Variants in PPP1R12A observed in about 807,000 individuals in gnomAD.
PPP1R12A encodes myosin binding subunit.
Under a neutral mutation model 139.6 loss-of-function variants are expected in PPP1R12A, and 19 were observed. The ratio of observed to expected loss-of-function variants is 0.14; its 90% CI spans 0.09 to 0.20. The LOEUF (loss-of-function observed/expected upper bound fraction) is 0.20, where lower values mean the gene tolerates loss of function less well. PPP1R12A is among the 10% of genes least tolerant of loss of function. The pLI, the probability that PPP1R12A is intolerant of heterozygous loss-of-function variation, is 1.00. For synonymous variants in PPP1R12A, 427 were observed against 420.6 expected, an observed-to-expected ratio of 1.02 and a Z score of -0.19; for missense variants, 925 against 1,211.5, an observed-to-expected ratio of 0.76 and a Z score of 3.51.
Position 79,807,340 on chromosome 12 carries a change from G to T in PPP1R12A, c.1551-10C>A. 4 of 1,467,088 alleles carry T rather than the reference G, an allele frequency of 2.7e-6. No homozygotes were observed. The highest frequency in any genetic ancestry group is 3.7e-6 in the Non-Finnish European group (4 of 1,072,572). The allele number at this position is 1,467,088 out of a possible 1,614,324, so 90.9% of individuals were successfully genotyped here. The stretch of plus-strand genomic sequence containing the variant: ...CAAACTTGAAGAATCTCTGTTAAAA[G>T]AACACCCTTCAGATTCTGGTACATA... On this transcript the variant is annotated splice_polypyrimidine_tract_variant and intron_variant, in intron 11 of 24. Transcript: ENST00000450142.
At chr12:79,906,327 T>G (rs1886108769) in intron 1 of PPP1R12A, among the ~76,000 whole-genome samples, 1 of 151,832 alleles carries the variant, frequency 6.6e-6, no homozygotes, top group Admixed American at 6.6e-5. Context: ...CAAAATACAT[T>G]TAGAATACAC....
chr12:79,835,800 G>A (rs1878002488), intron 3 of PPP1R12A, among the ~76,000 whole-genome samples: 1 of 152,092 alleles, frequency 6.6e-6, no homozygotes, highest in South Asian at 2.1e-4. Flanking sequence ...CCATCATCTA[G>A]TGTTCTAACC....
chr12:79,922,050 A>C (rs1887479542), intron 1 of PPP1R12A, among the ~76,000 whole-genome samples: 1 of 152,204 alleles, frequency 6.6e-6, no homozygotes. Flanking sequence ...CAGGAGTTTG[A>C]AACCAGCCTG....
chr12:79,815,621 G>A (rs538998509), intron 9 of PPP1R12A, among the ~76,000 whole-genome samples: 2 of 152,196 alleles, frequency 1.3e-5, no homozygotes, highest in South Asian at 4.2e-4. Context: ...AAAGATGCAG[G>A]AATGAATTTA....
intron 17 of PPP1R12A, among the ~76,000 whole-genome samples, chr12:79,796,364 T>C (rs1872516679): frequency 1.3e-5 from 2 of 152,148 alleles, no homozygotes; most frequent in South Asian, 2.1e-4. Context: ...AAATGTGTTT[T>C]AGTGAGAGCA....
chr12:79,864,525 A>G (rs1881741037), intron 2 of PPP1R12A, among the ~76,000 whole-genome samples: 1 of 152,168 alleles, frequency 6.6e-6, no homozygotes, highest in African/African-American at 2.4e-5. Flanking sequence ...CAGAAAAAAA[A>G]CCCTTCAAAA....
At chr12:79,850,346 T>C (rs1879895689) in intron 2 of PPP1R12A, among the ~76,000 whole-genome samples, 1 of 152,204 alleles carries the variant, frequency 6.6e-6, no homozygotes, top group Non-Finnish European at 1.5e-5. Context: ...TATGGTATAT[T>C]AGATAAACAG....
chr12:79,862,238 G>C (rs184219559), intron 2 of PPP1R12A, among the ~76,000 whole-genome samples: 23 of 152,170 alleles, frequency 1.5e-4, no homozygotes, highest in Admixed American at 3.9e-4. Flanking sequence ...CCTGTTAGAA[G>C]GAAAACTAAC....
In PPP1R12A at chr12:79,924,794, T is replaced by C. The variant is rs191053419; in HGVS notation, c.237+9901A>G. 8.6e-4 allele frequency among the ~76,000 whole-genome samples: 131 copies of C among 152,322 alleles called. 3 individuals carry two copies. The highest frequency in any genetic ancestry group is 3.0e-3 in the African/African-American group (124 of 41,578). ...AAGACTATGTTCACAAACTATAACA[T>C]TGACTTGTTTCATCAAAATCTAGAA... On this transcript the variant is annotated intron_variant, in intron 1 of 24. Transcript: ENST00000450142.
chr12:79,794,981 A>G (rs1872342729), intron 18 of PPP1R12A, among the ~76,000 whole-genome samples: 1 of 150,894 alleles, frequency 6.6e-6, no homozygotes, highest in African/African-American at 2.4e-5. Context: ...GAGAGGGAGA[A>G]CATGGGGGCA....
At chr12:79,846,202 A>G (rs1347267867) in intron 2 of PPP1R12A, among the ~76,000 whole-genome samples, 1 of 152,246 alleles carries the variant, frequency 6.6e-6, no homozygotes, top group Non-Finnish European at 1.5e-5. Flanking sequence ...TATTTTTTAA[A>G]TATTTTGATA....
chr12:79,888,955 A>G (rs1884353552), intron 1 of PPP1R12A, among the ~76,000 whole-genome samples: 1 of 152,212 alleles, frequency 6.6e-6, no homozygotes, highest in African/African-American at 2.4e-5. Flanking sequence ...ATTTCATTCT[A>G]GGAATTTATT....
chr12:79,910,804 T>C (rs145687921), intron 1 of PPP1R12A, among the ~76,000 whole-genome samples: 5 of 152,314 alleles, frequency 3.3e-5, no homozygotes, highest in African/African-American at 9.6e-5. Flanking sequence ...ATACAGAATA[T>C]AGCTAGTGGC....
intron 5 of PPP1R12A, among the ~76,000 whole-genome samples, chr12:79,827,665 T>G (rs1018417940): frequency 1.3e-5 from 2 of 152,086 alleles, no homozygotes; most frequent in African/African-American, 4.8e-5. Context: ...CCTGAATCTT[T>G]TCATGATTTT....
At chr12:79,895,156 T>C (rs1885019244) in intron 1 of PPP1R12A, among the ~76,000 whole-genome samples, 1 of 152,092 alleles carries the variant, frequency 6.6e-6, no homozygotes. Flanking sequence ...TATTAAGAAA[T>C]TATGCCCTGT....
intron 1 of PPP1R12A, among the ~76,000 whole-genome samples, chr12:79,873,278 G>C (rs1460961128): frequency 6.6e-6 from 1 of 152,058 alleles, no homozygotes; most frequent in Admixed American, 6.6e-5. Context: ...GCTGGGGGAA[G>C]GGGGAGTAGA....
Position 79,795,701 on chromosome 12 carries a change from G to A in PPP1R12A, c.2520C>T (p.Ile840=). Residue 840 remains isoleucine (I), a synonymous_variant, in exon 18 of 25, where the codon ATC becomes ATT. Transcript: ENST00000450142. ...TCTCTCTTGGTCGTCGTCGTTCTCT[G>A]ATTGATTTAGGTTGTGATTTATCTT... The part of the protein sequence containing the change: ...EGEDKSQPKS[I]RERRRPREKR... 1.2e-6 allele frequency: 2 copies of A among 1,611,958 alleles called. No individual in the cohort carries two copies. Among genetic ancestry groups the A allele is most frequent in the Non-Finnish European group, 1.7e-6 (2 of 1,178,886 alleles).
chr12:79,927,614 A>T (rs897508242), intron 1 of PPP1R12A, among the ~76,000 whole-genome samples: 1 of 152,234 alleles, frequency 6.6e-6, no homozygotes, highest in Non-Finnish European at 1.5e-5. Context: ...ACTTCAAAGA[A>T]GATACCTGGC....
At position 79,775,680 on chromosome 12, in the gene PPP1R12A, CTCAGCAGCTGCATTAACATGAAACAA is replaced by C; in HGVS notation, c.*223_*248del. On this transcript the variant is annotated 3_prime_UTR_variant, in exon 25 of 25. Coordinates refer to ENST00000450142, the MANE Select transcript of PPP1R12A (RefSeq NM_002480.3). ...TTCTCAGTCATTAAAAAAAAATCTT[CTCAGCAGCTGCATTAACATGAAACAA>C]TGGTCTTGATTAAAAAAAAAAAACA... 1 of 270,834 alleles carries C rather than the reference CTCAGCAGCTGCATTAACATGAAACAA, an allele frequency of 3.7e-6. No individual in the cohort carries two copies. The highest frequency in any genetic ancestry group is 6.9e-6 in the Non-Finnish European group (1 of 145,528). The allele number at this position is 270,834 out of a possible 1,614,324, so 16.8% of individuals were successfully genotyped here.
Sources: gnomAD v4.1 joint callset for allele counts (sites outside exome capture counted in the v4.1 genomes callset) on GRCh38, gnomAD v4.1.1 for gene constraint, MANE v1.5 for transcripts, NCBI Gene and HGNC (gene_info 2026-07-23, HGNC 2026-07-21) for gene names.